Variants in TSPAN9 observed in about 807,000 individuals in gnomAD.
TSPAN9 encodes tetraspanin-9.
Under a neutral mutation model 31.0 loss-of-function variants are expected in TSPAN9, and 16 were observed. The ratio of observed to expected loss-of-function variants is 0.52; its 90% CI spans 0.35 to 0.78. The LOEUF (loss-of-function observed/expected upper bound fraction) is 0.78. Among genes scored for constraint, TSPAN9 ranks in the 30% least tolerant of loss-of-function variants. The pLI is 0.01. For synonymous variants in TSPAN9, 145 were observed against 121.6 expected (o/e 1.19, Z -1.27); for missense variants, 272 against 312.5 (o/e 0.87, Z 0.98).
At chr12:3,185,880 T>A (rs1326667823) in intron 2 of TSPAN9, among the ~76,000 whole-genome samples, 1 of 152,192 alleles carries the variant, frequency 6.6e-6, no homozygotes, top group African/African-American at 2.4e-5. Context: ...TTGTCTTTCC[T>A]AGACCTTTGA....
At chr12:3,247,896 C>G (rs1426118619) in intron 3 of TSPAN9, among the ~76,000 whole-genome samples, 1 of 152,218 alleles carries the variant, frequency 6.6e-6, no homozygotes, top group Non-Finnish European at 1.5e-5. Flanking sequence ...TGACCCCTTG[C>G]CTGTCGCTTC....
At chr12:3,194,360 TTTCCCACCAAAGCCAAACCC>T (rs2098366050) in intron 2 of TSPAN9, among the ~76,000 whole-genome samples, 1 of 152,162 alleles carries the variant, frequency 6.6e-6, no homozygotes. Flanking sequence ...GTCTGTGAAC[TTTCCCACCAAAGCCAAACCC>T]TGCTTGTTTT....
rs200039945 is a variant in TSPAN9, at chr12:3,281,296, C to T, written c.531C>T (p.Cys177=). The T allele has an allele frequency of 5.5e-4, 856 of 1,550,962 alleles. 12 individuals are homozygous for T. In the South Asian group the frequency reaches 8.8e-3, roughly 16 times the overall value. ...DRCCMENSQG[C]GRNATTPLWR... ...GCTGCATGGAGAACTCCCAGGGCTG[C>T]GGGCGCAACGCCACCACGCCTTTGT... Residue 177 remains cysteine, a synonymous_variant, in exon 7 of 9, where the codon TGC becomes TGT. Transcript: ENST00000011898.
At chr12:3,205,232 A>T (rs1304260958) in intron 3 of TSPAN9, among the ~76,000 whole-genome samples, 1 of 152,210 alleles carries the variant, frequency 6.6e-6, no homozygotes, top group Non-Finnish European at 1.5e-5. Flanking sequence ...CAGAGCAGTG[A>T]CATTCTGGCC....
chr12:3,140,073 G>A (rs2098334065), intron 2 of TSPAN9, among the ~76,000 whole-genome samples: 1 of 152,196 alleles, frequency 6.6e-6, no homozygotes, highest in African/African-American at 2.4e-5. Flanking sequence ...GGCCTAGGAA[G>A]GGTATCTCAG....
At chr12:3,087,321 C>T (rs1331870002) in intron 2 of TSPAN9, among the ~76,000 whole-genome samples, 1 of 152,092 alleles carries the variant, frequency 6.6e-6, no homozygotes, top group African/African-American at 2.4e-5. Flanking sequence ...GCCTGGACAA[C>T]ATAGTGAGAC....
intron 2 of TSPAN9, among the ~76,000 whole-genome samples, chr12:3,162,658 TTAATC>T (rs1156275558): frequency 6.6e-6 from 1 of 152,162 alleles, no homozygotes; most frequent in Non-Finnish European, 1.5e-5. Context: ...TTTGGCTCCT[TTAATC>T]TAACCCTGCT....
intron 3 of TSPAN9, among the ~76,000 whole-genome samples, chr12:3,266,282 C>T (rs528362857): frequency 6.6e-6 from 1 of 152,290 alleles, no homozygotes; most frequent in East Asian, 1.9e-4. Flanking sequence ...TGGGTTTCTT[C>T]ACTGAACCTC....
chr12:3,235,218 AT>A (rs1185058772), intron 3 of TSPAN9, among the ~76,000 whole-genome samples: 8 of 5,212 alleles, frequency 1.5e-3, no homozygotes, highest in Admixed American at 4.2e-3. Flanking sequence ...AAAAAAAAAA[AT>A]ATATATATAT....
At chr12:3,199,017 G>A (rs2153972807) in intron 2 of TSPAN9, among the ~76,000 whole-genome samples, 1 of 152,356 alleles carries the variant, frequency 6.6e-6, no homozygotes, top group Non-Finnish European at 1.5e-5. Context: ...TGCTGCCTTG[G>A]TGATTAATGC....
At chr12:3,176,428 C>T (rs1326675518) in intron 2 of TSPAN9, among the ~76,000 whole-genome samples, 23 of 152,198 alleles carry the variant, frequency 1.5e-4, no homozygotes, top group Non-Finnish European at 5.9e-5. Flanking sequence ...CTGGCATATA[C>T]CAGGCACCTC....
At chr12:3,279,888 T>C (rs1313814162) in intron 5 of TSPAN9, among the ~76,000 whole-genome samples, 1 of 152,128 alleles carries the variant, frequency 6.6e-6, no homozygotes, top group Non-Finnish European at 1.5e-5. Flanking sequence ...AACAGCGCCA[T>C]GAGTAGATGC....
At chr12:3,155,337 A>G (rs1043796177) in intron 2 of TSPAN9, among the ~76,000 whole-genome samples, 1 of 152,164 alleles carries the variant, frequency 6.6e-6, no homozygotes, top group Non-Finnish European at 1.5e-5. Flanking sequence ...GTGAAACCGA[A>G]GGCGGGCTGT....
intron 2 of TSPAN9, among the ~76,000 whole-genome samples, chr12:3,112,676 C>CTTTTTT (rs765040711): frequency 4.5e-4 from 40 of 88,514 alleles, no homozygotes; most frequent in East Asian, 1.1e-3. Context: ...TTTATTTTTG[C>CTTTTTT]TTTTTTTTTT....
rs766230347 is a variant in TSPAN9, at chr12:3,280,293, CA to C, written c.331-88del. On this transcript the variant is annotated intron_variant, in intron 5 of 8. Transcript: ENST00000011898. The surrounding 1 kb of genome is among the most constrained non-coding windows in gnomAD (Gnocchi z 4.5). ...CCTGCCTTCCTCACTCCTCATCTGT[CA>C]CCCACCATCCTGGGTGACCTGAGGT... The C allele has an allele frequency of 1.9e-4, 225 of 1,201,368 alleles. No individual in the cohort carries two copies. Among genetic ancestry groups the C allele is most frequent in the Non-Finnish European group, 2.6e-4 (215 of 825,194 alleles). 74.4% of individuals were successfully genotyped at this position (1,201,368 alleles called of 1,614,324 possible). A position where few individuals can be genotyped will look rare whatever the true frequency, so the allele number is the denominator to read the frequency against.
At chr12:3,193,863 C>A (rs11062558) in intron 2 of TSPAN9, among the ~76,000 whole-genome samples, 3,256 of 152,322 alleles carry the variant, frequency 0.021, 60 homozygotes, top group Non-Finnish European at 0.029. Flanking sequence ...TCTGTCCATC[C>A]ATCCATCCAT....
intron 3 of TSPAN9, among the ~76,000 whole-genome samples, chr12:3,209,244 A>T (rs868817706): frequency 3.5e-4 from 54 of 152,182 alleles, no homozygotes; most frequent in Middle Eastern, 3.4e-3. Flanking sequence ...CAAAAAAAAA[A>T]AAAAATAAAA....
At chr12:3,246,817 A>G (rs1270184534) in intron 3 of TSPAN9, among the ~76,000 whole-genome samples, 1 of 152,178 alleles carries the variant, frequency 6.6e-6, no homozygotes, top group Non-Finnish European at 1.5e-5. Context: ...GGTGGCTCAG[A>G]GGAACTGCCC....
At chr12:3,082,913 G>T (rs1232199002) in intron 1 of TSPAN9, among the ~76,000 whole-genome samples, 2 of 152,176 alleles carry the variant, frequency 1.3e-5, no homozygotes, top group Admixed American at 6.6e-5. Flanking sequence ...ACAGAACAGA[G>T]TAGGCACAGT....
Sources: allele counts gnomAD v4.1 joint callset (sites outside exome capture counted in the v4.1 genomes callset), GRCh38; gene constraint gnomAD v4.1.1; non-coding constraint Gnocchi (gnomAD v3.1); transcripts MANE v1.5; gene names NCBI Gene and HGNC (gene_info 2026-07-23, HGNC 2026-07-21).